Variants in CCDC178 observed in about 807,000 individuals in gnomAD.
CCDC178 encodes coiled-coil domain containing 178.
CCDC178 carries 126 observed loss-of-function variants against 117.4 expected under a neutral mutation model. The observed-to-expected ratio is 1.07, with a 90% CI of 0.93 to 1.24. The LOEUF (loss-of-function observed/expected upper bound fraction) is 1.24, where lower values mean the gene tolerates loss of function less well. Ranked by LOEUF, CCDC178 falls within the 50% of genes most tolerant of loss-of-function variation. The pLI is 0.00. For missense variants in CCDC178, 1,030 were observed against 986.9 expected, an observed-to-expected ratio of 1.04 and a Z score of -0.59; for synonymous variants, 283 against 313.4, an observed-to-expected ratio of 0.90 and a Z score of 1.02.
intron 21 of CCDC178, among the ~76,000 whole-genome samples, chr18:33,026,025 T>G (rs1053996087): frequency 3.3e-5 from 5 of 151,972 alleles, no homozygotes; most frequent in African/African-American, 4.8e-5. Flanking sequence ...ACCATGGAAC[T>G]GCTTAGGAAA....
At chr18:32,994,496 C>T (rs957795415) in intron 21 of CCDC178, among the ~76,000 whole-genome samples, 3 of 152,130 alleles carry the variant, frequency 2.0e-5, no homozygotes, top group Non-Finnish European at 4.4e-5. Flanking sequence ...ATTATTAAGT[C>T]TAAATTCCAC....
At chr18:33,211,005 A>G (rs1373687233) in intron 20 of CCDC178, among the ~76,000 whole-genome samples, 1 of 152,020 alleles carries the variant, frequency 6.6e-6, no homozygotes, top group Non-Finnish European at 1.5e-5. Flanking sequence ...TAGTCTTTAA[A>G]AAAAAGTTCT....
chr18:33,167,689 C>T (rs1182857052), intron 20 of CCDC178, among the ~76,000 whole-genome samples: 2 of 151,802 alleles, frequency 1.3e-5, no homozygotes, highest in Non-Finnish European at 2.9e-5. Context: ...CATGGTGAAA[C>T]CCTGTCTCTA....
intron 14 of CCDC178, among the ~76,000 whole-genome samples, chr18:33,260,055 A>G (rs1348097622): frequency 6.7e-6 from 1 of 149,024 alleles, no homozygotes; most frequent in Non-Finnish European, 1.5e-5. Flanking sequence ...AAAAATACAC[A>G]TATATATATA....
At chr18:33,034,492 A>G (rs1012522130) in intron 21 of CCDC178, among the ~76,000 whole-genome samples, 4 of 151,858 alleles carry the variant, frequency 2.6e-5, no homozygotes, top group Admixed American at 2.6e-4. Flanking sequence ...AAAGTGTCAT[A>G]TTTTTCCTGT....
chr18:33,306,744 C>A (rs1279910895), intron 11 of CCDC178, among the ~76,000 whole-genome samples: 1 of 151,690 alleles, frequency 6.6e-6, no homozygotes, highest in Non-Finnish European at 1.5e-5. Flanking sequence ...TTGGCTGTGT[C>A]CCCACCCAAA....
intron 21 of CCDC178, among the ~76,000 whole-genome samples, chr18:33,015,907 A>C (rs928186375): frequency 6.6e-6 from 1 of 152,214 alleles, no homozygotes; most frequent in African/African-American, 2.4e-5. Context: ...GGCATAGGAT[A>C]GAATCAGTAA....
At chr18:33,020,135 T>G (rs2056083046) in intron 21 of CCDC178, among the ~76,000 whole-genome samples, 2 of 149,166 alleles carry the variant, frequency 1.3e-5, no homozygotes, top group Non-Finnish European at 3.0e-5. Context: ...TTTTTTTGTA[T>G]TTTTAGTAGA....
intron 6 of CCDC178, among the ~76,000 whole-genome samples, chr18:33,365,730 T>A (rs961659555): frequency 5.3e-5 from 8 of 152,102 alleles, no homozygotes; most frequent in Admixed American, 4.6e-4. Context: ...TAATGACTGA[T>A]ATTGATTAAA....
At chr18:33,402,150 CA>C (rs2063717068) in intron 3 of CCDC178, among the ~76,000 whole-genome samples, 1 of 152,042 alleles carries the variant, frequency 6.6e-6, no homozygotes, top group Non-Finnish European at 1.5e-5. Context: ...CAAAAACCCA[CA>C]AAAGACAAAA....
At chr18:33,282,072 G>C (rs1486467950) in intron 12 of CCDC178, among the ~76,000 whole-genome samples, 1 of 152,142 alleles carries the variant, frequency 6.6e-6, no homozygotes, top group African/African-American at 2.4e-5. Context: ...TGGGTTGAAG[G>C]GGGAGAAAGC....
chr18:33,039,257 T>C (rs925048726), intron 21 of CCDC178, among the ~76,000 whole-genome samples: 7 of 151,804 alleles, frequency 4.6e-5, no homozygotes, highest in African/African-American at 7.3e-5. Flanking sequence ...ATTGGAGTAA[T>C]AGAATGAAAA....
chr18:33,252,098 G>A (rs950186832), intron 14 of CCDC178, among the ~76,000 whole-genome samples: 2 of 151,764 alleles, frequency 1.3e-5, no homozygotes, highest in African/African-American at 4.8e-5. Flanking sequence ...GTTAGAAAAA[G>A]AGGTATTGGT....
chr18:33,213,834 A>G (rs1276861410), intron 19 of CCDC178, among the ~76,000 whole-genome samples: 1 of 152,010 alleles, frequency 6.6e-6, no homozygotes, highest in Non-Finnish European at 1.5e-5. Context: ...TTTTAACACC[A>G]TATTTTAATT....
intron 2 of CCDC178, among the ~76,000 whole-genome samples, chr18:33,424,986 T>C (rs1406859873): frequency 6.6e-6 from 1 of 152,098 alleles, no homozygotes; most frequent in African/African-American, 2.4e-5. Context: ...AGTTTAAAAA[T>C]TGTGTCAACG....
In CCDC178 at chr18:33,397,754, T is replaced by G. The variant is rs1346278475; in HGVS notation, c.59-546A>C. 4.1e-4 allele frequency among the ~76,000 whole-genome samples: 62 copies of G among 152,072 alleles called. 1 individual carries two copies. Among genetic ancestry groups the G allele is most frequent in the Admixed American group, 4.1e-3 (62 of 15,268 alleles). ...GTTTACATACATGTGACATAAATAA[T>G]ACAGCATGATTTTTATAAAAGAAAA... On this transcript the variant is annotated intron_variant, in intron 3 of 22. Coordinates refer to ENST00000383096, the MANE Select transcript of CCDC178 (RefSeq NM_001105528.4).
At chr18:32,984,622 T>C (rs972467769) in intron 21 of CCDC178, among the ~76,000 whole-genome samples, 1 of 150,194 alleles carries the variant, frequency 6.7e-6, no homozygotes, top group Admixed American at 6.6e-5. Flanking sequence ...AAGAAATAAA[T>C]GAATGAACGT....
chr18:33,317,828 T>A (rs2062441166), intron 11 of CCDC178, among the ~76,000 whole-genome samples: 1 of 152,048 alleles, frequency 6.6e-6, no homozygotes, highest in South Asian at 2.1e-4. Context: ...ACACCTGTGA[T>A]TAAAAAAAAA....
intron 21 of CCDC178, among the ~76,000 whole-genome samples, chr18:33,055,311 A>G (rs2056811377): frequency 6.6e-6 from 1 of 152,012 alleles, no homozygotes; most frequent in Admixed American, 6.6e-5. Context: ...GTGAAAAAAA[A>G]TCTGATCTTA....
Sources: allele counts gnomAD v4.1 joint callset (sites outside exome capture counted in the v4.1 genomes callset), GRCh38; gene constraint gnomAD v4.1.1; transcripts MANE v1.5; gene names NCBI Gene and HGNC (gene_info 2026-07-23, HGNC 2026-07-21).